GNAL: variants seen among roughly 807,000 people sequenced by gnomAD.
The protein encoded by GNAL is guanine nucleotide-binding protein G(olf) subunit alpha.
In GNAL, 18 loss-of-function variants were observed where a neutral mutation model predicts 55.1. That is an observed-to-expected ratio of 0.33 (90% CI 0.23 to 0.48). The LOEUF is 0.48. Among genes scored for constraint, GNAL ranks in the 20% least tolerant of loss-of-function variants. GNAL has a pLI of 0.99. For missense variants in GNAL, 412 were observed against 614.1 expected (o/e 0.67, Z 3.48); for synonymous variants, 253 against 237.0 (o/e 1.07, Z -0.62).
intron 4 of GNAL, among the ~76,000 whole-genome samples, chr18:11,777,183 T>A (rs2033808292): frequency 6.6e-6 from 1 of 152,222 alleles, no homozygotes; most frequent in Non-Finnish European, 1.5e-5. Flanking sequence ...TTTCAGCACA[T>A]CATTGGTAGA....
Position 11,817,818 on chromosome 18 carries a change from G to A in GNAL, c.625-7100G>A, listed in dbSNP as rs191009205. 7.0e-3 allele frequency among the ~76,000 whole-genome samples: 1,062 copies of A among 151,664 alleles called. 13 individuals are homozygous for A. The highest frequency in any genetic ancestry group is 0.024 in the African/African-American group (1,011 of 41,408). On this transcript the variant is annotated intron_variant, in intron 4 of 11. Coordinates refer to ENST00000334049, the MANE Select transcript of GNAL (RefSeq NM_182978.4). ...TGGCCAGGCTGGTCTCGAACTCCTG[G>A]GCTCTGGTGATCCGCCCGCCTCAGC...
intron 4 of GNAL, among the ~76,000 whole-genome samples, chr18:11,777,969 C>T (rs9948889): frequency 0.34 from 51,361 of 152,002 alleles, 10,721 homozygotes; most frequent in African/African-American, 0.6. Flanking sequence ...CTATGCCCTT[C>T]GCCCCTCACT....
chr18:11,813,241 T>TG (rs1407496967), intron 4 of GNAL, among the ~76,000 whole-genome samples: 19 of 97,140 alleles, frequency 2.0e-4, no homozygotes, highest in African/African-American at 7.7e-4. Flanking sequence ...GGCGACAGGG[T>TG]GAGACTCCAT....
chr18:11,764,294 A>AC (rs2033337529), intron 4 of GNAL, among the ~76,000 whole-genome samples: 1 of 151,780 alleles, frequency 6.6e-6, no homozygotes, highest in Non-Finnish European at 1.5e-5. Context: ...TTTAGTAGAG[A>AC]CGGGGTTTCA....
chr18:11,842,587 A>G (rs1205410996), intron 5 of GNAL, among the ~76,000 whole-genome samples: 2 of 151,996 alleles, frequency 1.3e-5, no homozygotes, highest in Non-Finnish European at 2.9e-5. Context: ...TTCGATTCTC[A>G]TAAGGAGCAT....
At chr18:11,712,715 A>T (rs1598407100) in intron 1 of GNAL, among the ~76,000 whole-genome samples, 1 of 152,280 alleles carries the variant, frequency 6.6e-6, no homozygotes. Flanking sequence ...GCAAGCACGG[A>T]TTCTTAGTTA....
chr18:11,793,399 A>T (rs2034289008), intron 4 of GNAL, among the ~76,000 whole-genome samples: 1 of 151,386 alleles, frequency 6.6e-6, no homozygotes, highest in African/African-American at 2.4e-5. Flanking sequence ...AACAATTGAG[A>T]CTCCCATCTC....
chr18:11,702,348 T>C (rs2143323993), intron 1 of GNAL: 1 of 152,402 alleles, frequency 6.6e-6, no homozygotes, highest in African/African-American at 2.4e-5. Flanking sequence ...CCGGCCTCCT[T>C]CTTCCCTGTC....
intron 4 of GNAL, among the ~76,000 whole-genome samples, chr18:11,818,684 C>T (rs910534562): frequency 1.3e-5 from 2 of 152,128 alleles, no homozygotes; most frequent in African/African-American, 4.8e-5. Context: ...TGTGTCTGAC[C>T]GAGGCTTTCA....
chr18:11,837,276 C>T (rs1347412248), intron 5 of GNAL, among the ~76,000 whole-genome samples: 2 of 152,102 alleles, frequency 1.3e-5, no homozygotes, highest in Non-Finnish European at 2.9e-5. Context: ...CACACTCAGC[C>T]CAGGATAGCT....
Position 11,829,345 on chromosome 18 carries a change from A to T in GNAL, c.722+4330A>T, listed in dbSNP as rs532640546. On this transcript the variant is annotated intron_variant, in intron 5 of 11. Transcript: ENST00000334049. ...AATCATGTGGAGCAATAACCTTTGC[A>T]TCCTAATAACTATCTTGTTTTTCCT... is the stretch of plus-strand genomic sequence containing the variant. Among the ~76,000 whole-genome samples, 6 of 152,350 alleles carry T rather than the reference A, an allele frequency of 3.9e-5. No individual in the cohort carries two copies. The South Asian group carries it at 1.2e-3, about 32-fold the overall frequency.
intron 4 of GNAL, among the ~76,000 whole-genome samples, chr18:11,813,651 A>G (rs1057298086): frequency 4.6e-5 from 7 of 152,250 alleles, no homozygotes; most frequent in African/African-American, 1.7e-4. Flanking sequence ...TGCTAGCATG[A>G]GGAGAGAGCT....
chr18:11,701,561 C>CAA lies in GNAL; in HGVS notation c.376+11641_376+11642dup, dbSNP rs36089846. Among the ~76,000 whole-genome samples, 58 of 56,318 alleles carry CAA rather than the reference C, an allele frequency of 1.0e-3. No homozygotes were observed. In the Middle Eastern group the frequency reaches 0.025, roughly 25 times the overall value. The allele number at this position is 56,318 out of a possible 152,430, so 36.9% of individuals were successfully genotyped here. A position where few individuals can be genotyped will look rare whatever the true frequency, so the allele number is the denominator to read the frequency against. Reference sequence around the variant, plus strand: ...AGCCTGGGTGACAGAGCAAGAATCTCAAAAAAAAAAAAAAAAAAAAGCATA... The same window carrying CAA: ...AGCCTGGGTGACAGAGCAAGAATCTCAAAAAAAAAAAAAAAAAAAAAAGCATA... On this transcript the variant is annotated intron_variant, in intron 1 of 11. Coordinates refer to ENST00000334049, the MANE Select transcript of GNAL (RefSeq NM_182978.4).
At chr18:11,771,489 G>T (rs1177362841) in intron 4 of GNAL, among the ~76,000 whole-genome samples, 4 of 152,044 alleles carry the variant, frequency 2.6e-5, no homozygotes, top group African/African-American at 9.7e-5. Flanking sequence ...AAGCTGAATT[G>T]TGTACACCCA....
intron 4 of GNAL, among the ~76,000 whole-genome samples, chr18:11,808,338 A>G (rs530033232): frequency 3.7e-4 from 57 of 152,304 alleles, no homozygotes; most frequent in Non-Finnish European, 7.6e-4. Context: ...AAGGCCAGGA[A>G]GAGGTACTAA....
At chr18:11,854,901 A>G (rs2035968590) in intron 5 of GNAL, among the ~76,000 whole-genome samples, 1 of 152,044 alleles carries the variant, frequency 6.6e-6, no homozygotes, top group Admixed American at 6.6e-5. Flanking sequence ...TTTTTCTTGC[A>G]TATTTCTAGG....
chr18:11,752,479 G>T lies in GNAL; in HGVS notation c.377-374G>T, dbSNP rs1039372506. 4.6e-5 allele frequency: 74 copies of T among 1,612,204 alleles called. No homozygotes were observed. The highest frequency in any genetic ancestry group is 6.1e-5 in the Non-Finnish European group (72 of 1,179,296). On this transcript the variant is annotated intron_variant, in intron 1 of 11. Transcript: ENST00000334049. The surrounding 1 kb of genome is among the most constrained non-coding windows in gnomAD (Gnocchi z 4.5). ...CAGCAAGACGACGGAAGACCAGGGC[G>T]TCGATGAAAAAGAACGACGCGAGGC... is the stretch of plus-strand genomic sequence containing the variant.
chr18:11,747,172 G>A (rs761464304), intron 1 of GNAL: 2 of 389,842 alleles, frequency 5.1e-6, no homozygotes, highest in Non-Finnish European at 1.0e-5. Context: ...CTGCATCATC[G>A]ATTTTCTTCC....
At chr18:11,714,159 G>T (rs930961989) in intron 1 of GNAL, among the ~76,000 whole-genome samples, 5 of 152,164 alleles carry the variant, frequency 3.3e-5, no homozygotes, top group Non-Finnish European at 7.3e-5. Context: ...TGCCCACTAG[G>T]TACCCCTGCC....
Sources: gnomAD v4.1 joint callset for allele counts (sites outside exome capture counted in the v4.1 genomes callset) on GRCh38, gnomAD v4.1.1 for gene constraint, Gnocchi (gnomAD v3.1) non-coding constraint, MANE v1.5 for transcripts, NCBI Gene and HGNC (gene_info 2026-07-23, HGNC 2026-07-21) for gene names.